KIAA1549L: variants seen among roughly 807,000 people sequenced by gnomAD.
The protein encoded by KIAA1549L is KIAA1549 like.
KIAA1549L carries 88 observed loss-of-function variants against 160.7 expected under a neutral mutation model. That is an observed-to-expected ratio of 0.55 (90% CI 0.46 to 0.65). The LOEUF (loss-of-function observed/expected upper bound fraction) is 0.65, where lower values mean the gene tolerates loss of function less well. Ranked by LOEUF, KIAA1549L falls within the 30% of genes least tolerant of loss-of-function variation. The pLI is 0.00. For missense variants in KIAA1549L, 2,258 were observed against 2,437.5 expected (o/e 0.93, Z 1.55); for synonymous variants, 950 against 976.7 (o/e 0.97, Z 0.51).
intron 1 of KIAA1549L, among the ~76,000 whole-genome samples, chr11:33,460,605 G>A (rs1851923256): frequency 6.6e-6 from 1 of 152,202 alleles, no homozygotes; most frequent in African/African-American, 2.4e-5. Flanking sequence ...TATTGTGAAT[G>A]CATGTGTGTT....
intron 1 of KIAA1549L, among the ~76,000 whole-genome samples, chr11:33,536,198 CT>C (rs1327278825): frequency 6.6e-6 from 1 of 152,208 alleles, no homozygotes; most frequent in African/African-American, 2.4e-5. Context: ...CAAGCCACCC[CT>C]GGCTCAGTGC....
At chr11:33,645,614 T>C (rs1851696183) in intron 16 of KIAA1549L, 72 bp from the exon 17 acceptor site, 1 of 1,104,828 alleles carries the variant, frequency 9.1e-7, no homozygotes, top group East Asian at 2.4e-5. Context: ...AGTGAATGTT[T>C]TAGAGTAAAT....
chr11:33,515,398 T>C (rs1273605550), intron 1 of KIAA1549L, among the ~76,000 whole-genome samples: 1 of 152,224 alleles, frequency 6.6e-6, no homozygotes, highest in Non-Finnish European at 1.5e-5. Flanking sequence ...CAGTTTCAAA[T>C]TCCTGGGGAA....
intron 16 of KIAA1549L, among the ~76,000 whole-genome samples, chr11:33,641,193 A>G (rs1851570506): frequency 6.6e-6 from 1 of 152,198 alleles, no homozygotes; most frequent in South Asian, 2.1e-4. Flanking sequence ...CAGGTCCTCG[A>G]GTCAATTTGA....
At chr11:33,407,305 C>T (rs1850685270) in intron 1 of KIAA1549L, among the ~76,000 whole-genome samples, 1 of 151,572 alleles carries the variant, frequency 6.6e-6, no homozygotes, top group Non-Finnish European at 1.5e-5. Context: ...AGGATGGTCT[C>T]TATCTCCTGA....
Position 33,381,485 on chromosome 11 carries a change from T to C in KIAA1549L, c.238+4596T>C, listed in dbSNP as rs555344094. The stretch of plus-strand genomic sequence containing the variant: ...GTTTGAGGAAGAGCAGGAATGCCAA[T>C]GTAGAATTGAATGAGCAAAGGGAGA... On this transcript the variant is annotated intron_variant, in intron 1 of 20. Transcript: ENST00000658780. Among the ~76,000 whole-genome samples the C allele has an allele frequency of 2.0e-5, 3 of 152,206 alleles. No individual in the cohort carries two copies. The South Asian group carries it at 6.2e-4, about 32-fold the overall frequency.
intron 1 of KIAA1549L, among the ~76,000 whole-genome samples, chr11:33,453,945 A>G (rs1434085957): frequency 6.6e-6 from 1 of 152,190 alleles, no homozygotes; most frequent in Non-Finnish European, 1.5e-5. Flanking sequence ...AAGAATAAGC[A>G]TATTATTTCC....
chr11:33,468,970 TG>T (rs143925400), intron 1 of KIAA1549L, among the ~76,000 whole-genome samples: 1,730 of 152,338 alleles, frequency 0.011, 28 homozygotes, highest in South Asian at 0.037. Flanking sequence ...TCGTTGGCTC[TG>T]GGCTGAAGTG....
intron 1 of KIAA1549L, among the ~76,000 whole-genome samples, chr11:33,402,748 A>AG (rs1363155271): frequency 6.6e-6 from 1 of 152,218 alleles, no homozygotes; most frequent in African/African-American, 2.4e-5. Context: ...GCTGGAGCAG[A>AG]GGGACAGCTT....
chr11:33,597,797 A>T (rs1288559837), intron 12 of KIAA1549L, among the ~76,000 whole-genome samples: 2 of 152,114 alleles, frequency 1.3e-5, no homozygotes, highest in East Asian at 3.9e-4. Context: ...ATGGGACAGC[A>T]AAGGGAAGGT....
At chr11:33,560,622 T>C (rs1167103872) in intron 7 of KIAA1549L, among the ~76,000 whole-genome samples, 1 of 152,246 alleles carries the variant, frequency 6.6e-6, no homozygotes, top group Non-Finnish European at 1.5e-5. Flanking sequence ...GGTTACATTT[T>C]GTATCCAAAT....
chr11:33,403,513 T>C lies in KIAA1549L; in HGVS notation c.238+26624T>C, dbSNP rs1166695039. 3.7e-5 allele frequency: 5 copies of C among 133,850 alleles called. No homozygotes were observed. In the East Asian group the frequency reaches 1.1e-3, roughly 29 times the overall value. The allele number at this position is 133,850 out of a possible 1,614,324, so 8.3% of individuals were successfully genotyped here. Reference sequence around the variant, plus strand: ...ACACACATAGACACACAGACACACATGGACAGACACGCAGACACACACACG... The same window carrying C: ...ACACACATAGACACACAGACACACACGGACAGACACGCAGACACACACACG... On this transcript the variant is annotated intron_variant, in intron 1 of 20. Coordinates refer to ENST00000658780, the MANE Select transcript of KIAA1549L (RefSeq NM_012194.3).
In KIAA1549L at chr11:33,430,569, A is replaced by G. The variant is rs1035465800; in HGVS notation, c.238+53680A>G. Among the ~76,000 whole-genome samples the G allele has an allele frequency of 4.6e-5, 7 of 152,236 alleles. No individual in the cohort carries two copies. In the East Asian group the frequency reaches 1.2e-3, roughly 25 times the overall value. ...AATATTTTTGCAGAGTTTCATTTTT[A>G]TAAGCAAAGTATGGTGAAGCTTTGA... On this transcript the variant is annotated intron_variant, in intron 1 of 20. Transcript: ENST00000658780.
chr11:33,435,972 A>G (rs554674606), intron 1 of KIAA1549L, among the ~76,000 whole-genome samples: 1 of 147,708 alleles, frequency 6.8e-6, no homozygotes, highest in Admixed American at 6.8e-5. Context: ...AAAAAAAAAA[A>G]AAAAGTACAA....
intron 15 of KIAA1549L, among the ~76,000 whole-genome samples, chr11:33,615,999 T>G (rs1048492282): frequency 6.6e-6 from 1 of 152,248 alleles, no homozygotes; most frequent in Non-Finnish European, 1.5e-5. Context: ...AAGCCTCTAA[T>G]TGCAGATAGC....
At chr11:33,634,297 C>T (rs1215681654) in intron 16 of KIAA1549L, among the ~76,000 whole-genome samples, 1 of 152,142 alleles carries the variant, frequency 6.6e-6, no homozygotes, top group Non-Finnish European at 1.5e-5. Context: ...CCCACCTCGG[C>T]CTCCCAAAGT....
At chr11:33,508,046 A>G (rs1419666929) in intron 1 of KIAA1549L, among the ~76,000 whole-genome samples, 2 of 152,362 alleles carry the variant, frequency 1.3e-5, no homozygotes, top group East Asian at 3.9e-4. Context: ...GCCCAAGAAT[A>G]GTGCTGCTGT....
intron 1 of KIAA1549L, among the ~76,000 whole-genome samples, chr11:33,486,854 G>T (rs1195503684): frequency 6.6e-6 from 1 of 152,158 alleles, no homozygotes; most frequent in Non-Finnish European, 1.5e-5. Context: ...GATGGAGCAG[G>T]TATTCTCAGC....
chr11:33,615,704 C>T (rs966627327), intron 15 of KIAA1549L, among the ~76,000 whole-genome samples: 1 of 152,076 alleles, frequency 6.6e-6, no homozygotes, highest in African/African-American at 2.4e-5. Context: ...ATTTACAGTT[C>T]TTGACAGGGC....
Sources: gnomAD v4.1 joint callset for allele counts (sites outside exome capture counted in the v4.1 genomes callset) on GRCh38, gnomAD v4.1.1 for gene constraint, MANE v1.5 for transcripts, NCBI Gene and HGNC (gene_info 2026-07-23, HGNC 2026-07-21) for gene names.